The following B4GALT1 variants were observed in gnomAD, a reference collection of about 807,000 sequenced individuals.
The protein encoded by B4GALT1 is N-acetyllactosamine synthase.
A neutral mutation model predicts 34.9 loss-of-function variants in B4GALT1; 16 were observed. That is an observed-to-expected ratio of 0.46 (90% CI 0.31 to 0.70). The LOEUF is 0.70. Ranked by LOEUF, B4GALT1 falls within the 30% of genes least tolerant of loss-of-function variation. B4GALT1 has a pLI of 0.05. For synonymous variants in B4GALT1, 221 were observed against 218.1 expected, an observed-to-expected ratio of 1.01 and a Z score of -0.12; for missense variants, 445 against 530.5, an observed-to-expected ratio of 0.84 and a Z score of 1.58.
chr9:33,146,123 G>T (rs1390555453), intron 1 of B4GALT1, among the ~76,000 whole-genome samples: 1 of 152,194 alleles, frequency 6.6e-6, no homozygotes, highest in East Asian at 1.9e-4. Flanking sequence ...CAGTAAACAA[G>T]CTCCCAAGTA....
chr9:33,132,980 G>A (rs951340652), intron 2 of B4GALT1, among the ~76,000 whole-genome samples: 2 of 152,090 alleles, frequency 1.3e-5, no homozygotes, highest in African/African-American at 4.8e-5. Context: ...TCGGCTCACT[G>A]CAACCTCTGC....
chr9:33,127,040 C>T (rs1840121943), intron 2 of B4GALT1, among the ~76,000 whole-genome samples: 1 of 152,182 alleles, frequency 6.6e-6, no homozygotes, highest in South Asian at 2.1e-4. Context: ...CGGCTCACTG[C>T]AAGCTCCGCC....
intron 1 of B4GALT1, among the ~76,000 whole-genome samples, chr9:33,161,463 ACTCAGGT>A (rs1840674494): frequency 6.6e-6 from 1 of 152,048 alleles, no homozygotes; most frequent in African/African-American, 2.4e-5. Context: ...GGCCCCTACA[ACTCAGGT>A]CTCAGGTCTC....
intron 2 of B4GALT1, among the ~76,000 whole-genome samples, chr9:33,132,248 C>T (rs910866143): frequency 1.1e-4 from 16 of 152,126 alleles, no homozygotes; most frequent in South Asian, 4.1e-4. Flanking sequence ...GGAGGGAGGA[C>T]GGGCAGTTCC....
the B4GALT1 span, among the ~76,000 whole-genome samples, chr9:33,178,622 CAG>C: frequency 4.6e-5 from 7 of 152,204 alleles, no homozygotes; most frequent in African/African-American, 1.4e-4. Flanking sequence ...AGGCCCTGCT[CAG>C]TGACTTTGGT....
Position 33,120,410 on chromosome 9 carries a change from A to C in B4GALT1, c.836+9T>G. 1 of 1,612,536 alleles carries C rather than the reference A, an allele frequency of 6.2e-7. No individual in the cohort carries two copies. Among genetic ancestry groups the C allele is most frequent in the Non-Finnish European group, 8.5e-7 (1 of 1,179,914 alleles). On this transcript the variant is annotated intron_variant, in intron 3 of 5. Transcript: ENST00000379731. ...TGTTTACCACAGATTCTGACTGAGT[A>C]TCTCTTACCTGAATCCAAACTTATC... is the stretch of plus-strand genomic sequence containing the variant.
chr9:33,108,933 TTTATG>T, downstream of B4GALT1, among the ~76,000 whole-genome samples: 1 of 151,664 alleles, frequency 6.6e-6, no homozygotes, highest in Non-Finnish European at 1.5e-5. Context: ...TGTTCTAATA[TTTATG>T]CTAGGAGAAT....
intron 1 of B4GALT1, among the ~76,000 whole-genome samples, chr9:33,137,598 A>C (rs10813954): frequency 0.36 from 55,057 of 151,954 alleles, 10,511 homozygotes; most frequent in East Asian, 0.6. Flanking sequence ...AACCTATCAC[A>C]AGAATTGCTT....
Position 33,111,263 on chromosome 9 carries a change from AAAAAAAAAAAAAAAAC to A in B4GALT1, c.*2175_*2190del, listed in dbSNP as rs1316233777. On this transcript the variant is annotated 3_prime_UTR_variant, in exon 6 of 6. Transcript: ENST00000379731. ...TGAGAAGGTAACCAAAAAAAAAAAA[AAAAAAAAAAAAAAAAC>A]AACAAGAAAAGGTAGAGTTTGGTTT... is the stretch of plus-strand genomic sequence containing the variant. The A allele has an allele frequency of 4.0e-5, 6 of 150,240 alleles. No individual in the cohort carries two copies. The highest frequency in any genetic ancestry group is 1.5e-4 in the African/African-American group (6 of 41,006). 9.3% of individuals were successfully genotyped at this position (150,240 alleles called of 1,614,324 possible).
chr9:33,164,455 G>A (rs1269546663), intron 1 of B4GALT1, among the ~76,000 whole-genome samples: 1 of 152,130 alleles, frequency 6.6e-6, no homozygotes, highest in Non-Finnish European at 1.5e-5. Flanking sequence ...CCATTTCTGG[G>A]GCTGCCTCAG....
chr9:33,175,542 T>C, the B4GALT1 span, among the ~76,000 whole-genome samples: 6 of 152,352 alleles, frequency 3.9e-5, 1 homozygote, highest in African/African-American at 1.4e-4. Flanking sequence ...CAGTCAACAA[T>C]GGACAGCATA....
At chr9:33,154,002 GGAGAGA>G (rs544104544) in intron 1 of B4GALT1, among the ~76,000 whole-genome samples, 3 of 127,038 alleles carry the variant, frequency 2.4e-5, no homozygotes, top group Admixed American at 8.2e-5. Context: ...GGAGGGGAGG[GGAGAGA>G]GAGAGAGAGA....
intron 2 of B4GALT1, among the ~76,000 whole-genome samples, chr9:33,133,978 GCT>G (rs1286639232): frequency 6.6e-6 from 1 of 152,168 alleles, no homozygotes; most frequent in East Asian, 1.9e-4. Flanking sequence ...CCAAGCCATT[GCT>G]CTCTCTCCTT....
In B4GALT1 at chr9:33,115,926, C is replaced by T; in HGVS notation, c.959+65G>A. On this transcript the variant is annotated intron_variant, in intron 4 of 5. Coordinates refer to ENST00000379731, the MANE Select transcript of B4GALT1 (RefSeq NM_001497.4). Reference sequence around the variant, plus strand: ...GGTCAGTCCTTGGGGAACAACCAAGCATTGGTTAAAAAACTGGAAGTGAAG... The same window carrying T: ...GGTCAGTCCTTGGGGAACAACCAAGTATTGGTTAAAAAACTGGAAGTGAAG... The T allele has an allele frequency of 2.5e-6, 4 of 1,568,694 alleles. No homozygotes were observed. In the South Asian group the frequency reaches 4.4e-5, roughly 17 times the overall value.
At chr9:33,158,737 C>G (rs1840633492) in intron 1 of B4GALT1, among the ~76,000 whole-genome samples, 1 of 152,192 alleles carries the variant, frequency 6.6e-6, no homozygotes, top group African/African-American at 2.4e-5. Flanking sequence ...TGCACCTCCT[C>G]AGTACCCTCA....
intron 1 of B4GALT1, among the ~76,000 whole-genome samples, chr9:33,136,518 T>A (rs7028949): frequency 0.11 from 16,574 of 152,228 alleles, 1,005 homozygotes; most frequent in African/African-American, 0.15. Context: ...GAAAAACATG[T>A]CTCGTGGTCA....
chr9:33,178,685 G>A, the B4GALT1 span, among the ~76,000 whole-genome samples: 1 of 152,346 alleles, frequency 6.6e-6, no homozygotes, highest in Non-Finnish European at 1.5e-5. Context: ...TCTACAGTCT[G>A]TTGGGATAGG....
intron 2 of B4GALT1, among the ~76,000 whole-genome samples, chr9:33,127,638 C>T (rs1044962655): frequency 1.3e-5 from 2 of 152,120 alleles, no homozygotes; most frequent in Admixed American, 1.3e-4. Context: ...TGGACATTAC[C>T]TAAGGGACTT....
rs1252434334 is a variant in B4GALT1 at position 33,113,871 on chromosome 9, A to T, written c.967T>A (p.Phe323Ile). ...GGGCGAGATATAGACATGCCTCTAA[A>T]AACTAATCTGCAAAGAGTAAAGGGA... ...EDDDIFNRLV[F>I]RGMSISRPNA... is the part of the protein sequence containing the mutation. The change falls in exon 5 of 6, where the codon TTT becomes ATT. Residue 323 changes from phenylalanine to isoleucine, a missense_variant. Physicochemically the swap from Phe to Ile is conservative, Grantham distance 21. Coordinates refer to ENST00000379731, the MANE Select transcript of B4GALT1 (RefSeq NM_001497.4). The T allele has an allele frequency of 1.2e-6, 2 of 1,614,158 alleles. No homozygotes were observed. The highest frequency in any genetic ancestry group is 4.5e-5 in the East Asian group (2 of 44,884).
Sources: gnomAD v4.1 joint callset for allele counts (sites outside exome capture counted in the v4.1 genomes callset) on GRCh38, gnomAD v4.1.1 for gene constraint, MANE v1.5 for transcripts, NCBI Gene and HGNC (gene_info 2026-07-23, HGNC 2026-07-21) for gene names.